MAGI2: variants seen among roughly 807,000 people sequenced by gnomAD.
MAGI2 encodes membrane-associated guanylate kinase, WW and PDZ domain-containing protein 2.
A neutral mutation model predicts 133.3 loss-of-function variants in MAGI2; 35 were observed. That is an observed-to-expected ratio of 0.26 (90% CI 0.20 to 0.35). The LOEUF (loss-of-function observed/expected upper bound fraction) is 0.35. MAGI2 is among the 10% of genes least tolerant of loss of function. The probability of loss-of-function intolerance (pLI) is 1.00; values close to 1 mark genes in which losing one functional copy is unlikely to be tolerated. For synonymous variants in MAGI2, 729 were observed against 710.6 expected, an observed-to-expected ratio of 1.03 and a Z score of -0.41; for missense variants, 1,636 against 1,863.4, an observed-to-expected ratio of 0.88 and a Z score of 2.25.
chr7:79,010,145 TG>T (rs969250482), intron 1 of MAGI2, among the ~76,000 whole-genome samples: 14 of 152,168 alleles, frequency 9.2e-5, no homozygotes, highest in East Asian at 5.8e-4. Flanking sequence ...AATACATGTG[TG>T]TATACACAGT....
intron 2 of MAGI2, among the ~76,000 whole-genome samples, chr7:78,878,704 C>A (rs546647932): frequency 6.6e-6 from 1 of 152,274 alleles, no homozygotes; most frequent in South Asian, 2.1e-4. Context: ...TTTGGTTATA[C>A]ATTAACAGAG....
chr7:78,832,780 A>C (rs113886669), intron 2 of MAGI2, among the ~76,000 whole-genome samples: 9,627 of 152,302 alleles, frequency 0.063, 375 homozygotes, highest in Middle Eastern at 0.11. Flanking sequence ...TTGGACTGCC[A>C]GAACGAGCCA....
intron 1 of MAGI2, among the ~76,000 whole-genome samples, chr7:79,275,179 A>G (rs1835145973): frequency 6.6e-6 from 1 of 152,186 alleles, no homozygotes; most frequent in East Asian, 1.9e-4. Context: ...GATGAGATAG[A>G]TCAAAAGCTA....
At chr7:79,085,909 C>G (rs1584893270) in intron 1 of MAGI2, among the ~76,000 whole-genome samples, 1 of 151,844 alleles carries the variant, frequency 6.6e-6, no homozygotes, top group Non-Finnish European at 1.5e-5. Flanking sequence ...ACTGCCTTAG[C>G]CTTCATGTGC....
At chr7:78,561,667 C>A (rs1800418608) in intron 3 of MAGI2, among the ~76,000 whole-genome samples, 1 of 152,094 alleles carries the variant, frequency 6.6e-6, no homozygotes, top group Non-Finnish European at 1.5e-5. Flanking sequence ...GAACGAGCTG[C>A]CTCTTTTTGG....
intron 2 of MAGI2, among the ~76,000 whole-genome samples, chr7:78,717,587 G>A (rs542932992): frequency 3.2e-4 from 49 of 152,192 alleles, no homozygotes; most frequent in African/African-American, 1.1e-3. Flanking sequence ...CTCCTTTCCT[G>A]TAAAATACAG....
intron 1 of MAGI2, among the ~76,000 whole-genome samples, chr7:79,014,212 C>G (rs1457146212): frequency 6.6e-6 from 1 of 152,062 alleles, no homozygotes. Flanking sequence ...TTCCTTTCCC[C>G]TACTATTGTA....
At chr7:79,361,302 G>A (rs552402764) in intron 1 of MAGI2, among the ~76,000 whole-genome samples, 3 of 152,222 alleles carry the variant, frequency 2.0e-5, no homozygotes, top group African/African-American at 7.2e-5. Context: ...TGCTGGGAAG[G>A]GAAGAGTGTG....
At chr7:78,461,876 A>G (rs1790061585) in intron 6 of MAGI2, among the ~76,000 whole-genome samples, 1 of 132,306 alleles carries the variant, frequency 7.6e-6, no homozygotes, top group Non-Finnish European at 1.6e-5. Context: ...ACACCATTGC[A>G]CTCTAGCCGG....
intron 2 of MAGI2, among the ~76,000 whole-genome samples, chr7:78,752,623 T>G (rs1240941384): frequency 6.6e-6 from 1 of 152,144 alleles, no homozygotes; most frequent in Non-Finnish European, 1.5e-5. Flanking sequence ...AATCTCATCA[T>G]AGTCACAGAA....
chr7:79,057,430 C>A (rs1199659644), intron 1 of MAGI2, among the ~76,000 whole-genome samples: 1 of 152,134 alleles, frequency 6.6e-6, no homozygotes. Flanking sequence ...ACAAATTGAG[C>A]AAATACATTT....
intron 3 of MAGI2, among the ~76,000 whole-genome samples, chr7:78,558,024 T>C (rs1329562682): frequency 6.6e-6 from 1 of 152,134 alleles, no homozygotes; most frequent in Non-Finnish European, 1.5e-5. Context: ...TAAATTCTCC[T>C]ACTTAAATAT....
At chr7:78,668,845 C>T (rs1400397799) in intron 2 of MAGI2, among the ~76,000 whole-genome samples, 19 of 120,536 alleles carry the variant, frequency 1.6e-4, no homozygotes, top group Admixed American at 4.3e-4. Context: ...GAAATGAAGG[C>T]AGAAATAAGA....
At chr7:79,022,534 A>G (rs562462852) in intron 1 of MAGI2, among the ~76,000 whole-genome samples, 1 of 152,156 alleles carries the variant, frequency 6.6e-6, no homozygotes, top group African/African-American at 2.4e-5. Context: ...ATCAGAACTG[A>G]AATGAAGGCA....
At chr7:78,761,428 G>A (rs1824495427) in intron 2 of MAGI2, among the ~76,000 whole-genome samples, 1 of 151,308 alleles carries the variant, frequency 6.6e-6, no homozygotes, top group African/African-American at 2.4e-5. Flanking sequence ...ATGAAGAATT[G>A]AACCATCTGG....
chr7:78,457,211 T>C (rs1789411873), intron 6 of MAGI2, among the ~76,000 whole-genome samples: 1 of 152,250 alleles, frequency 6.6e-6, no homozygotes, highest in South Asian at 2.1e-4. Flanking sequence ...TGGCACATAG[T>C]TGGCTTTCAC....
At chr7:79,333,138 A>AT (rs1168527708) in intron 1 of MAGI2, among the ~76,000 whole-genome samples, 3 of 151,836 alleles carry the variant, frequency 2.0e-5, no homozygotes, top group Admixed American at 6.6e-5. Flanking sequence ...TTCAGTATTC[A>AT]TTTTTTCTTT....
intron 9 of MAGI2, among the ~76,000 whole-genome samples, chr7:78,265,855 C>T (rs1013292045): frequency 3.3e-5 from 5 of 152,224 alleles, no homozygotes; most frequent in Non-Finnish European, 7.3e-5. Flanking sequence ...CATGACCTGT[C>T]GCCATCTTTT....
intron 10 of MAGI2, among the ~76,000 whole-genome samples, chr7:78,228,820 C>T (rs979171361): frequency 2.0e-5 from 3 of 152,148 alleles, no homozygotes; most frequent in East Asian, 1.9e-4. Flanking sequence ...CATTGAAAAC[C>T]TTTGTAGCTG....
Sources: allele counts gnomAD v4.1 joint callset (sites outside exome capture counted in the v4.1 genomes callset), GRCh38; gene constraint gnomAD v4.1.1; transcripts MANE v1.5; gene names NCBI Gene and HGNC (gene_info 2026-07-23, HGNC 2026-07-21).